KCTD9: variants seen among roughly 807,000 people sequenced by gnomAD.
KCTD9 encodes the protein potassium channel tetramerization domain containing 9, also known as BTB/POZ domain-containing protein KCTD9.
A neutral mutation model predicts 53.3 loss-of-function variants in KCTD9; 17 were observed. The ratio of observed to expected loss-of-function variants is 0.32; its 90% CI spans 0.22 to 0.48. The LOEUF (loss-of-function observed/expected upper bound fraction) is 0.48, where lower values mean the gene tolerates loss of function less well. Among genes scored for constraint, KCTD9 ranks in the 20% least tolerant of loss-of-function variants. The pLI, the probability that KCTD9 is intolerant of heterozygous loss-of-function variation, is 0.99. For missense variants in KCTD9, 179 were observed against 465.5 expected (o/e 0.38, Z 5.66); for synonymous variants, 128 against 162.7 (o/e 0.79, Z 1.62).
At chr8:25,431,362 G>C (rs4872311) in intron 11 of KCTD9, among the ~76,000 whole-genome samples, 82,778 of 151,928 alleles carry the variant, frequency 0.54, 24,212 homozygotes, top group Middle Eastern at 0.65. Flanking sequence ...CAGATGTACA[G>C]AACAGTGTAA....
At chr8:25,439,561 A>T (rs764850696) in intron 5 of KCTD9, 45 bp downstream of exon 5, 2 of 1,605,508 alleles carry the variant, frequency 1.2e-6, no homozygotes, top group Non-Finnish European at 1.7e-6. Context: ...CAGCACAGAT[A>T]TAAAACAGGT....
At chr8:25,457,866 G>A (rs1019244850) in intron 1 of KCTD9, 1 of 205,074 alleles carries the variant, frequency 4.9e-6, no homozygotes. Context: ...GCGGGAAGAG[G>A]CGCGACCGCC....
chr8:25,458,019 G>T (rs1440241155), intron 1 of KCTD9, among the ~76,000 whole-genome samples, 180 bp downstream of exon 1: 1 of 151,838 alleles, frequency 6.6e-6, no homozygotes, highest in African/African-American at 2.4e-5. Flanking sequence ...TCGGGCACGG[G>T]GGTCCTGAGG....
At position 25,429,789 on chromosome 8, in the gene KCTD9, G is replaced by A. The variant is rs968974419; in HGVS notation, c.*68C>T. ...GTTATTTCTTCTAGACAACTGAGTGGGTGGAGAAAGAAAAGTGATAAGGAA... is the reference window on the plus strand; with the variant it reads ...GTTATTTCTTCTAGACAACTGAGTGAGTGGAGAAAGAAAAGTGATAAGGAA... On this transcript the variant is annotated 3_prime_UTR_variant, in exon 12 of 12. Coordinates refer to ENST00000221200, the MANE Select transcript of KCTD9 (RefSeq NM_017634.4). 8 of 791,504 alleles carry A rather than the reference G, an allele frequency of 1.0e-5. No homozygotes were observed. Among genetic ancestry groups the A allele is most frequent in the Non-Finnish European group, 1.8e-5 (8 of 442,488 alleles). The allele number at this position is 791,504 out of a possible 1,614,324, so 49.0% of individuals were successfully genotyped here.
Position 25,429,735 on chromosome 8 carries a change from A to G in KCTD9, c.*122T>C. 1.5e-6 allele frequency: 1 copy of G among 673,532 alleles called. No homozygotes were observed. Among genetic ancestry groups the G allele is most frequent in the East Asian group, 2.6e-5 (1 of 38,754 alleles). The allele number at this position is 673,532 out of a possible 1,614,324, so 41.7% of individuals were successfully genotyped here. ...CACTCAAAACAAGCATAATCCTCTA[A>G]ATGTTTTTTTTTTAAATTTCCTTAC... is the stretch of plus-strand genomic sequence containing the variant. On this transcript the variant is annotated 3_prime_UTR_variant, in exon 12 of 12. Coordinates refer to ENST00000221200, the MANE Select transcript of KCTD9 (RefSeq NM_017634.4).
At chr8:25,453,898 C>A (rs1802380409) in intron 1 of KCTD9, among the ~76,000 whole-genome samples, 1 of 152,006 alleles carries the variant, frequency 6.6e-6, no homozygotes, top group Non-Finnish European at 1.5e-5. Flanking sequence ...AAGAAATGTT[C>A]AAGCTTAAAA....
At chr8:25,435,331 A>C (rs1466457955) in intron 9 of KCTD9, 32 bp downstream of exon 9, 1 of 1,493,282 alleles carries the variant, frequency 6.7e-7, no homozygotes, top group Non-Finnish European at 9.0e-7. Flanking sequence ...CTAAACATTT[A>C]ATTTTCTCTT....
At chr8:25,444,216 C>T (rs915613907) in intron 3 of KCTD9, 76 bp downstream of exon 3, 16 of 1,123,574 alleles carry the variant, frequency 1.4e-5, no homozygotes, top group African/African-American at 3.2e-5. Context: ...AGCTTAATAG[C>T]CCCATTTAAA....
rs532486964 is a variant in KCTD9 at position 25,452,207 on chromosome 8, G to A, written c.49-5957C>T. On this transcript the variant is annotated intron_variant, in intron 1 of 11. Transcript: ENST00000221200. ...TACATGATCTTATTCTTTAAAAGATGAGATAATTTAAAAAAAAGATGAGAT... is the reference window on the plus strand; with the variant it reads ...TACATGATCTTATTCTTTAAAAGATAAGATAATTTAAAAAAAAGATGAGAT... 6.6e-5 allele frequency among the ~76,000 whole-genome samples: 10 copies of A among 151,846 alleles called. 1 individual carries two copies. Among genetic ancestry groups the A allele is most frequent in the Non-Finnish European group, 1.3e-4 (9 of 67,992 alleles).
chr8:25,438,344 A>C (rs903710252), intron 6 of KCTD9, among the ~76,000 whole-genome samples: 1 of 151,494 alleles, frequency 6.6e-6, no homozygotes, highest in African/African-American at 2.4e-5. Context: ...GTTCAAGGGA[A>C]TATAAAGTTT....
chr8:25,454,540 C>T (rs1376229225), intron 1 of KCTD9, among the ~76,000 whole-genome samples: 2 of 152,174 alleles, frequency 1.3e-5, no homozygotes, highest in Non-Finnish European at 2.9e-5. Flanking sequence ...TTAATGCCAA[C>T]TCTTACAGGG....
chr8:25,457,738 T>C (rs1586446037), intron 1 of KCTD9: 1 of 153,360 alleles, frequency 6.5e-6, no homozygotes, highest in South Asian at 2.1e-4. Flanking sequence ...TTTACTTCTG[T>C]CTCCCTGACC....
chr8:25,448,316 A>T (rs1344101226), intron 1 of KCTD9, among the ~76,000 whole-genome samples: 1 of 152,176 alleles, frequency 6.6e-6, no homozygotes, highest in Non-Finnish European at 1.5e-5. Context: ...TACCACTCAC[A>T]TGAAAGTACC....
intron 3 of KCTD9, 119 bp downstream of exon 3, chr8:25,444,173 T>G (rs994284230): frequency 1.1e-5 from 9 of 850,314 alleles, no homozygotes; most frequent in Non-Finnish European, 1.5e-5. Flanking sequence ...TGTGAAGATT[T>G]GAATACAGCC....
At chr8:25,433,671 C>G (rs1309541854) in intron 9 of KCTD9, among the ~76,000 whole-genome samples, 2 of 152,038 alleles carry the variant, frequency 1.3e-5, no homozygotes, top group Admixed American at 6.6e-5. Flanking sequence ...TGCAAATTAA[C>G]AATAGCATGC....
At chr8:25,444,623 T>G (rs1266092763) in intron 2 of KCTD9, among the ~76,000 whole-genome samples, 2 of 152,200 alleles carry the variant, frequency 1.3e-5, no homozygotes, top group African/African-American at 4.8e-5. Context: ...CAATTGAGAA[T>G]GAATAATTAT....
At chr8:25,438,182 T>C (rs570485146) in intron 6 of KCTD9, among the ~76,000 whole-genome samples, 75 of 152,296 alleles carry the variant, frequency 4.9e-4, no homozygotes, top group Middle Eastern at 6.8e-3. Flanking sequence ...TCTGACATTT[T>C]CTAGGCAAGT....
intron 2 of KCTD9, among the ~76,000 whole-genome samples, chr8:25,444,543 A>G (rs144742655): frequency 6.6e-6 from 1 of 152,274 alleles, no homozygotes; most frequent in East Asian, 1.9e-4. Context: ...GATCTTGCAC[A>G]TGAAAGTACT....
At chr8:25,437,175 T>C (rs1463587627) in intron 6 of KCTD9, among the ~76,000 whole-genome samples, 2 of 152,176 alleles carry the variant, frequency 1.3e-5, no homozygotes, top group African/African-American at 4.8e-5. Flanking sequence ...AGGGTCCACA[T>C]TTCCCCTTCA....
Sources: gnomAD v4.1 joint callset for allele counts (sites outside exome capture counted in the v4.1 genomes callset) on GRCh38, gnomAD v4.1.1 for gene constraint, MANE v1.5 for transcripts, NCBI Gene and HGNC (gene_info 2026-07-23, HGNC 2026-07-21) for gene names.